The following TXLNB variants were observed in gnomAD, a reference collection of about 807,000 sequenced individuals.
The protein encoded by TXLNB is beta-taxilin.
Under a neutral mutation model 57.4 loss-of-function variants are expected in TXLNB, and 37 were observed. The ratio of observed to expected loss-of-function variants is 0.64; its 90% CI spans 0.50 to 0.85. The LOEUF (loss-of-function observed/expected upper bound fraction) is 0.85. Ranked by LOEUF, TXLNB falls within the 40% of genes least tolerant of loss-of-function variation. TXLNB has a pLI of 0.00. For synonymous variants in TXLNB, 302 were observed against 309.6 expected (o/e 0.98, Z 0.26); for missense variants, 848 against 825.6 (o/e 1.03, Z -0.33).
Position 139,240,248 on chromosome 6 carries a change from A to T in TXLNB, c.*2278T>A, listed in dbSNP as rs924644203. ...TTATTGTTATAATTAGTAAGGCTAA[A>T]TTTTAACACAAAGGACTATAATAAA... is the stretch of plus-strand genomic sequence containing the variant. On this transcript the variant is annotated 3_prime_UTR_variant, in exon 10 of 10. Coordinates refer to ENST00000358430, the MANE Select transcript of TXLNB (RefSeq NM_153235.4). The T allele has an allele frequency of 1.3e-5, 2 of 152,670 alleles. No individual in the cohort carries two copies. The highest frequency in any genetic ancestry group is 4.8e-5 in the African/African-American group (2 of 41,458). 9.5% of individuals were successfully genotyped at this position (152,670 alleles called of 1,614,324 possible).
At position 139,255,113 on chromosome 6, in the gene TXLNB, C is replaced by T. The variant is rs763551961; in HGVS notation, c.1077+451G>A. Among the ~76,000 whole-genome samples the T allele has an allele frequency of 2.6e-5, 4 of 152,330 alleles. No individual in the cohort carries two copies. In the East Asian group the frequency reaches 5.8e-4, roughly 22 times the overall value. On this transcript the variant is annotated intron_variant, in intron 7 of 9. Coordinates refer to ENST00000358430, the MANE Select transcript of TXLNB (RefSeq NM_153235.4). ...CTGACGTTACAGGTGTGAGCCACTG[C>T]GCCCGGCCTCATTTTCTTTTTATGA... is the stretch of plus-strand genomic sequence containing the variant.
downstream of TXLNB, among the ~76,000 whole-genome samples, chr6:139,238,168 C>T (rs936804290): frequency 6.6e-6 from 1 of 152,086 alleles, no homozygotes; most frequent in African/African-American, 2.4e-5. Flanking sequence ...CCAAGGCAGG[C>T]AGATTACTTG....
At chr6:139,203,262 C>T in the TXLNB span, among the ~76,000 whole-genome samples, 2 of 152,208 alleles carry the variant, frequency 1.3e-5, no homozygotes, top group African/African-American at 4.8e-5. Context: ...AAAAGTTCTT[C>T]CCTGGAATTT....
the TXLNB span, among the ~76,000 whole-genome samples, chr6:139,232,252 A>C: frequency 2.0e-5 from 3 of 152,290 alleles, no homozygotes; most frequent in East Asian, 3.9e-4. Flanking sequence ...GGAGCTGTCA[A>C]ACACTTATAA....
the TXLNB span, chr6:139,176,810 C>T: frequency 3.1e-6 from 2 of 639,608 alleles, no homozygotes; most frequent in Non-Finnish European, 5.6e-6. This position sits in a 1 kb window ranked among gnomAD's most constrained non-coding sequence, Gnocchi z 4.5. Flanking sequence ...TACCCCGTTT[C>T]CATGTTTTTG....
chr6:139,318,159 A>G, the TXLNB span, among the ~76,000 whole-genome samples: 2 of 151,226 alleles, frequency 1.3e-5, no homozygotes, highest in African/African-American at 4.9e-5. Context: ...AGTCCCAGCT[A>G]CTTGGGAGGC....
chr6:139,174,281 T>TA, the TXLNB span: 1 of 1,326,480 alleles, frequency 7.5e-7, no homozygotes, highest in Non-Finnish European at 1.0e-6. Flanking sequence ...ATCCAAATGA[T>TA]AAAATCTTTG....
chr6:139,197,397 C>T, the TXLNB span, among the ~76,000 whole-genome samples: 13 of 152,248 alleles, frequency 8.5e-5, no homozygotes, highest in South Asian at 2.7e-3. Flanking sequence ...TTCCCAGTAT[C>T]TGGAGTAGTA....
chr6:139,177,184 G>A, the TXLNB span: 12 of 665,232 alleles, frequency 1.8e-5, no homozygotes, highest in Admixed American at 7.7e-5. This position sits in a 1 kb window ranked among gnomAD's most constrained non-coding sequence, Gnocchi z 4.9. Flanking sequence ...AACATTCTGT[G>A]ACATTAATTT....
rs558875620 is a variant in TXLNB, at chr6:139,260,495, A to G, written c.883-58T>C. 6.4e-6 allele frequency: 10 copies of G among 1,561,442 alleles called. No individual in the cohort carries two copies. In the East Asian group the frequency reaches 1.8e-4, roughly 28 times the overall value. The stretch of plus-strand genomic sequence containing the variant: ...GTTTATTATTGGTGCTTAAAAATGC[A>G]AAGTAAAATAATTCACATTAATACA... On this transcript the variant is annotated intron_variant, in intron 5 of 9. Transcript: ENST00000358430.
intron 2 of TXLNB, among the ~76,000 whole-genome samples, chr6:139,286,588 C>A (rs34320498): frequency 0.15 from 23,460 of 152,118 alleles, 1,897 homozygotes; most frequent in South Asian, 0.22. Context: ...GGTACCAGTC[C>A]GTGGCCTGTT....
intron 3 of TXLNB, among the ~76,000 whole-genome samples, 187 bp from the exon 4 acceptor site, chr6:139,270,813 A>C (rs2114562203): frequency 6.6e-6 from 1 of 152,328 alleles, no homozygotes. Context: ...TATAGTTTTT[A>C]GAACACAGCA....
intron 2 of TXLNB, among the ~76,000 whole-genome samples, chr6:139,280,266 A>AAAAAAAAAAG (rs1562286921): frequency 8.2e-5 from 12 of 146,458 alleles, no homozygotes; most frequent in South Asian, 2.1e-4. Flanking sequence ...AAAAAAAAAA[A>AAAAAAAAAAG]AAAAAAAAAG....
intron 4 of TXLNB, among the ~76,000 whole-genome samples, chr6:139,268,153 A>AC (rs1221781021): frequency 8.0e-6 from 1 of 125,122 alleles, no homozygotes; most frequent in Non-Finnish European, 1.8e-5. Flanking sequence ...CCATCTCACA[A>AC]AAAAAAAAAA....
chr6:139,278,039 T>C (rs759506713), intron 2 of TXLNB, among the ~76,000 whole-genome samples: 23 of 152,336 alleles, frequency 1.5e-4, no homozygotes, highest in South Asian at 6.2e-4. Context: ...AAATTCTAAT[T>C]TTTCTGGACA....
the TXLNB span, chr6:139,174,300 T>G: frequency 1.4e-6 from 2 of 1,432,738 alleles, no homozygotes; most frequent in Non-Finnish European, 1.9e-6. Flanking sequence ...TGCTTATAAT[T>G]GGTAGATGAA....
intron 7 of TXLNB, 63 bp downstream of exon 7, chr6:139,255,501 C>T: frequency 1.4e-6 from 2 of 1,460,924 alleles, no homozygotes; most frequent in Non-Finnish European, 1.9e-6. Flanking sequence ...CACCTTTGGC[C>T]CCAGCCTTTT....
At position 139,288,045 on chromosome 6, in the gene TXLNB, G is replaced by T. The variant is rs566730854; in HGVS notation, c.424+431C>A. ...TAGGATGTGCACAGGCCTTGTGGGC[G>T]ATGGAGCATAGCATGTTCAAAGGCC... On this transcript the variant is annotated intron_variant, in intron 2 of 9. Transcript: ENST00000358430. Among the ~76,000 whole-genome samples the T allele has an allele frequency of 2.6e-5, 4 of 152,340 alleles. No individual in the cohort carries two copies. The South Asian group carries it at 8.3e-4, about 32-fold the overall frequency.
At position 139,242,531 on chromosome 6, in the gene TXLNB, C is replaced by T. The variant is rs747508511; in HGVS notation, c.2050G>A (p.Asp684Asn). 2.7e-6 allele frequency: 4 copies of T among 1,500,702 alleles called. No homozygotes were observed. The highest frequency in any genetic ancestry group is 4.8e-5 in the Admixed American group (2 of 42,060). The allele number at this position is 1,500,702 out of a possible 1,614,324, so 93.0% of individuals were successfully genotyped here. ...NVADTNLEGVD is the reference protein window; with the variant it reads ...NVADTNLEGVN ...CTCTGAAGGCACGGTGAGGCTTAGT[C>T]GACGCCTTCCAGATTGGTGTCAGCC... The change falls in exon 10 of 10, where the codon GAC (aspartate) becomes AAC (asparagine). Residue 684 changes from aspartate (D) to asparagine (N), a missense_variant. Coordinates refer to ENST00000358430, the MANE Select transcript of TXLNB (RefSeq NM_153235.4).
Sources: allele counts gnomAD v4.1 joint callset (sites outside exome capture counted in the v4.1 genomes callset), GRCh38; gene constraint gnomAD v4.1.1; non-coding constraint Gnocchi (gnomAD v3.1); transcripts MANE v1.5; gene names NCBI Gene and HGNC (gene_info 2026-07-23, HGNC 2026-07-21).